The following RORA variants were observed in gnomAD, a reference collection of about 807,000 sequenced individuals.
The protein encoded by RORA is RAR related orphan receptor A, also known as nuclear receptor ROR-alpha.
RORA carries 7 observed loss-of-function variants against 69.5 expected under a neutral mutation model. That is an observed-to-expected ratio of 0.10 (90% confidence interval 0.06 to 0.19). The LOEUF (loss-of-function observed/expected upper bound fraction) is 0.19, where lower values mean the gene tolerates loss of function less well. Among genes scored for constraint, RORA ranks in the 10% least tolerant of loss-of-function variants. The pLI, the probability that RORA is intolerant of heterozygous loss-of-function variation, is 1.00. For missense variants in RORA, 457 were observed against 663.0 expected (o/e 0.69, Z 3.41); for synonymous variants, 261 against 240.8 (o/e 1.08, Z -0.78).
intron 2 of RORA, among the ~76,000 whole-genome samples, chr15:60,536,575 A>T (rs189475473): frequency 7.9e-4 from 121 of 152,362 alleles, no homozygotes; most frequent in Non-Finnish European, 1.5e-3. Context: ...AGTTTTACAA[A>T]ATTAAAGTTT....
rs1403602186 is a variant in RORA, at chr15:61,061,694, T to C, written c.166+167359A>G. ...GAAATTTAAACTACTGCTTTAGTTG[T>C]TGGGCATATGGGTCTCTAGAGACAG... On this transcript the variant is annotated intron_variant, in intron 1 of 10. Coordinates refer to ENST00000335670, the MANE Select transcript of RORA (RefSeq NM_134261.3). The surrounding 1 kb of genome is among the most constrained non-coding windows in gnomAD (Gnocchi z 4.4). Among the ~76,000 whole-genome samples the C allele has an allele frequency of 6.6e-6, 1 of 152,194 alleles. No individual in the cohort carries two copies. The highest frequency in any genetic ancestry group is 1.5e-5 in the Non-Finnish European group (1 of 68,040).
At chr15:60,695,944 G>T (rs1056802878) in intron 1 of RORA, among the ~76,000 whole-genome samples, 1 of 152,088 alleles carries the variant, frequency 6.6e-6, no homozygotes, top group African/African-American at 2.4e-5. Flanking sequence ...ACAAAGCACT[G>T]TTCCCGCGAC....
intron 1 of RORA, among the ~76,000 whole-genome samples, chr15:61,181,908 G>T (rs1298605809): frequency 1.3e-5 from 2 of 152,096 alleles, no homozygotes; most frequent in African/African-American, 4.8e-5. Flanking sequence ...AGAGAGGAAA[G>T]GTCTTGAACA....
chr15:60,754,544 GTTC>G (rs1368036984), intron 1 of RORA, among the ~76,000 whole-genome samples: 1 of 152,112 alleles, frequency 6.6e-6, no homozygotes, highest in Admixed American at 6.6e-5. Context: ...TTCCTTCCTA[GTTC>G]TTCTACCTGA....
At chr15:60,977,863 AATGGACATGTGGTTT>A in intron 1 of RORA, among the ~76,000 whole-genome samples, 1 of 152,222 alleles carries the variant, frequency 6.6e-6, no homozygotes, top group Non-Finnish European at 1.5e-5. Context: ...TTGATCAGCT[AATGGACATGTGGTTT>A]GTTTCCACTT....
At chr15:60,784,913 C>G (rs2072315011) in intron 1 of RORA, among the ~76,000 whole-genome samples, 1 of 152,146 alleles carries the variant, frequency 6.6e-6, no homozygotes, top group Non-Finnish European at 1.5e-5. Context: ...CCATTTTATT[C>G]CCTGACCAGA....
chr15:60,854,841 T>A (rs1014230176), intron 1 of RORA, among the ~76,000 whole-genome samples: 2 of 152,236 alleles, frequency 1.3e-5, no homozygotes, highest in African/African-American at 2.4e-5. Context: ...AATGATACTT[T>A]GGCAGTTTAA....
At chr15:61,044,747 C>G (rs1896945157) in intron 1 of RORA, among the ~76,000 whole-genome samples, 1 of 152,166 alleles carries the variant, frequency 6.6e-6, no homozygotes, top group African/African-American at 2.4e-5. Flanking sequence ...CATTTCCCAG[C>G]AGCATGTGTA....
At chr15:60,549,188 G>A (rs1409493555) in intron 2 of RORA, among the ~76,000 whole-genome samples, 3 of 152,212 alleles carry the variant, frequency 2.0e-5, no homozygotes, top group Non-Finnish European at 4.4e-5. Flanking sequence ...GTTGGATGGA[G>A]TTAATGATAT....
chr15:60,813,335 G>A (rs1349751811), intron 1 of RORA, among the ~76,000 whole-genome samples: 1 of 152,216 alleles, frequency 6.6e-6, no homozygotes, highest in Non-Finnish European at 1.5e-5. Flanking sequence ...GCTTTCTCCA[G>A]GGAACACCTT....
intron 2 of RORA, among the ~76,000 whole-genome samples, chr15:60,559,487 T>C (rs1449515975): frequency 6.6e-6 from 1 of 152,250 alleles, no homozygotes; most frequent in Non-Finnish European, 1.5e-5. Context: ...TGAAATCAAG[T>C]GCATTCACTG....
intron 1 of RORA, among the ~76,000 whole-genome samples, chr15:61,073,170 T>C (rs1176842093): frequency 6.6e-6 from 1 of 152,240 alleles, no homozygotes. Flanking sequence ...CTCTCTTCTC[T>C]TGCTTCTGTG....
intron 3 of RORA, among the ~76,000 whole-genome samples, chr15:60,521,849 C>CA (rs2066177291): frequency 6.6e-6 from 1 of 152,180 alleles, no homozygotes; most frequent in African/African-American, 2.4e-5. Flanking sequence ...CCTACTGTCT[C>CA]AAAGACATCT....
At chr15:61,206,507 C>T (rs34720147) in intron 1 of RORA, among the ~76,000 whole-genome samples, 50,074 of 152,030 alleles carry the variant, frequency 0.33, 9,162 homozygotes, top group Non-Finnish European at 0.41. Flanking sequence ...GAGACTCCTA[C>T]ATAAATCATC....
chr15:60,534,192 G>A lies in RORA; in HGVS notation c.197-2341C>T, dbSNP rs1012951155. 1.3e-5 allele frequency among the ~76,000 whole-genome samples: 2 copies of A among 152,180 alleles called. No individual in the cohort carries two copies. Among genetic ancestry groups the A allele is most frequent in the Admixed American group, 6.5e-5 (1 of 15,288 alleles). On this transcript the variant is annotated intron_variant, in intron 2 of 10. Coordinates refer to ENST00000335670, the MANE Select transcript of RORA (RefSeq NM_134261.3). The surrounding 1 kb of genome is among the most constrained non-coding windows in gnomAD (Gnocchi z 5.0). ...TGTGACCAAGATGCCTGCCTGGCAC[G>A]GAGGTCTGCTCATGATGGGGGTGGC...
intron 1 of RORA, among the ~76,000 whole-genome samples, chr15:60,712,288 G>A (rs1567165564): frequency 6.6e-6 from 1 of 152,152 alleles, no homozygotes; most frequent in Non-Finnish European, 1.5e-5. Context: ...TAAACATCTA[G>A]ATGTTTTCTT....
chr15:60,744,716 T>C (rs2071623857), intron 1 of RORA, among the ~76,000 whole-genome samples: 1 of 152,174 alleles, frequency 6.6e-6, no homozygotes, highest in African/African-American at 2.4e-5. Context: ...TTGGACAGCA[T>C]GATATTCAGC....
chr15:60,695,329 A>AT (rs1379524232), intron 1 of RORA, among the ~76,000 whole-genome samples: 1 of 152,098 alleles, frequency 6.6e-6, no homozygotes, highest in African/African-American at 2.4e-5. Flanking sequence ...AACCCTTAGC[A>AT]TGTTCTCTTT....
chr15:60,843,011 C>T (rs940676825), intron 1 of RORA, among the ~76,000 whole-genome samples: 19 of 152,078 alleles, frequency 1.2e-4, no homozygotes, highest in African/African-American at 4.1e-4. Context: ...CCACCCTTCT[C>T]GTTCACCCAC....
Sources: gnomAD v4.1 joint callset for allele counts (sites outside exome capture counted in the v4.1 genomes callset) on GRCh38, gnomAD v4.1.1 for gene constraint, Gnocchi (gnomAD v3.1) non-coding constraint, MANE v1.5 for transcripts, NCBI Gene and HGNC (gene_info 2026-07-23, HGNC 2026-07-21) for gene names.